CDC42BPA: variants seen among roughly 807,000 people sequenced by gnomAD.
The protein encoded by CDC42BPA is serine/threonine-protein kinase MRCK alpha.
CDC42BPA carries 80 observed loss-of-function variants against 223.5 expected under a neutral mutation model. The observed-to-expected ratio is 0.36, with a 90% CI of 0.30 to 0.43. The LOEUF is 0.43. Ranked by LOEUF, CDC42BPA falls within the 20% of genes least tolerant of loss-of-function variation. CDC42BPA has a pLI of 1.00. For synonymous variants in CDC42BPA, 694 were observed against 718.6 expected (o/e 0.97, Z 0.55); for missense variants, 1,743 against 2,099.9 (o/e 0.83, Z 3.32).
chr1:227,005,085 T>C lies in CDC42BPA; in HGVS notation c.4884A>G (p.Thr1628=), dbSNP rs757635120. Residue 1628 remains threonine, a synonymous_variant, in exon 35 of 37, where the codon ACA becomes ACG. Transcript: ENST00000366766. ...GAATACTGACTGAGCCACTGAATAC[T>C]GTCCGACTTTCCTGAGGCCGAGGGT... The part of the protein sequence containing the change: ...PMNPRPQESR[T]VFSGSVSIPS... 1.2e-6 allele frequency: 2 copies of C among 1,613,858 alleles called. No individual in the cohort carries two copies. Among genetic ancestry groups the C allele is most frequent in the Non-Finnish European group, 1.7e-6 (2 of 1,179,716 alleles).
At chr1:227,129,911 C>T (rs978742959) in intron 10 of CDC42BPA, among the ~76,000 whole-genome samples, 1 of 151,994 alleles carries the variant, frequency 6.6e-6, no homozygotes, top group East Asian at 1.9e-4. Flanking sequence ...TGTTAATATA[C>T]ATATGCAGAA....
At chr1:227,065,126 T>TAAATAAATAAATAAATA (rs1558414073) in intron 21 of CDC42BPA, among the ~76,000 whole-genome samples, 10 of 117,246 alleles carry the variant, frequency 8.5e-5, no homozygotes, top group African/African-American at 3.6e-4. Context: ...ATAAATAAAT[T>TAAATAAATAAATAAATA]AACTCAAACC....
At chr1:227,262,283 T>C (rs1264919603) in intron 1 of CDC42BPA, among the ~76,000 whole-genome samples, 1 of 152,124 alleles carries the variant, frequency 6.6e-6, no homozygotes, top group Non-Finnish European at 1.5e-5. Context: ...TGAAATGTAA[T>C]GATATATTAA....
intron 23 of CDC42BPA, among the ~76,000 whole-genome samples, chr1:227,043,775 CCT>C (rs1397389061): frequency 6.6e-6 from 1 of 152,074 alleles, no homozygotes; most frequent in Non-Finnish European, 1.5e-5. Flanking sequence ...GAATCTTTCC[CCT>C]ATTTCCAACT....
At chr1:227,189,718 C>G (rs1669403534) in intron 5 of CDC42BPA, among the ~76,000 whole-genome samples, 1 of 152,084 alleles carries the variant, frequency 6.6e-6, no homozygotes, top group Non-Finnish European at 1.5e-5. Flanking sequence ...CAAATTTTTT[C>G]ATATGCGAGT....
At chr1:227,137,041 G>C (rs10799387) in intron 10 of CDC42BPA, among the ~76,000 whole-genome samples, 150,603 of 152,256 alleles carry the variant, frequency 0.99, 74,504 homozygotes, top group East Asian at 1. Flanking sequence ...AAGCAACAAT[G>C]GAGTAAAAGT....
intron 5 of CDC42BPA, among the ~76,000 whole-genome samples, chr1:227,166,767 G>A (rs1178080373): frequency 6.6e-6 from 1 of 152,150 alleles, no homozygotes; most frequent in Non-Finnish European, 1.5e-5. Flanking sequence ...AGGGGCGGGA[G>A]TGGGGGTGCC....
At chr1:227,287,493 AC>A (rs1398496877) in intron 1 of CDC42BPA, among the ~76,000 whole-genome samples, 1 of 152,182 alleles carries the variant, frequency 6.6e-6, no homozygotes, top group African/African-American at 2.4e-5. Context: ...AATACCTCTT[AC>A]CCTGATAATT....
At chr1:227,133,438 C>T (rs61836474) in intron 10 of CDC42BPA, among the ~76,000 whole-genome samples, 21,291 of 152,006 alleles carry the variant, frequency 0.14, 1,874 homozygotes, top group South Asian at 0.33. Flanking sequence ...CCCCTCTGCC[C>T]GGCCACGACC....
At position 227,017,009 on chromosome 1, in the gene CDC42BPA, G is replaced by T. The variant is rs776653752; in HGVS notation, c.4657C>A (p.Arg1553=). 6.2e-7 allele frequency: 1 copy of T among 1,613,070 alleles called. No individual in the cohort carries two copies. Among genetic ancestry groups the T allele is most frequent in the South Asian group, 1.1e-5 (1 of 90,898 alleles). ...LVVPETSDNS[R]KQMVRNINNK... ...TTAATGTTTCTAACCATTTGTTTCC[G>T]ACTATTATCTGATGTTTCAGGTACT... is the stretch of plus-strand genomic sequence containing the variant. The change falls in exon 33 of 37, where the codon CGG becomes AGG. Residue 1553 remains arginine, a synonymous_variant. Transcript: ENST00000366766.
In CDC42BPA at chr1:227,145,576, C is replaced by A; in HGVS notation, c.1056G>T (p.Arg352=). ...CTGGAATATAAGGTGCTTCACAGTT[C>A]CGAATATTATCCCAATCAATTCCAC... ...FFSGIDWDNI[R]NCEAPYIPEV... Residue 352 remains arginine, a synonymous_variant, in exon 8 of 37, where the codon CGG becomes CGT. Coordinates refer to ENST00000366766, the MANE Select transcript of CDC42BPA (RefSeq NM_001394014.1). 1 of 1,613,608 alleles carries A rather than the reference C, an allele frequency of 6.2e-7. No homozygotes were observed. Among genetic ancestry groups the A allele is most frequent in the Non-Finnish European group, 8.5e-7 (1 of 1,179,692 alleles).
chr1:227,149,492 CAACA>C (rs1428125923), intron 6 of CDC42BPA, among the ~76,000 whole-genome samples: 4 of 152,008 alleles, frequency 2.6e-5, no homozygotes, highest in African/African-American at 7.3e-5. Flanking sequence ...TCAGAAATCC[CAACA>C]AACAGAACAA....
At chr1:227,245,282 ATCTTTTTTTTT>A (rs1309295454) in intron 2 of CDC42BPA, among the ~76,000 whole-genome samples, 39 of 129,400 alleles carry the variant, frequency 3.0e-4, no homozygotes, top group Non-Finnish European at 3.1e-4. Context: ...TTTGTCTTGC[ATCTTTTTTTTT>A]TTTTTTTTTT....
At chr1:227,012,235 T>C (rs1469902867) in intron 34 of CDC42BPA, among the ~76,000 whole-genome samples, 1 of 152,174 alleles carries the variant, frequency 6.6e-6, no homozygotes, top group Non-Finnish European at 1.5e-5. Flanking sequence ...AAAATAAGTC[T>C]TCTAGAGGTA....
intron 26 of CDC42BPA, 31 bp downstream of exon 26, chr1:227,034,624 G>T: frequency 6.4e-7 from 1 of 1,558,894 alleles, no homozygotes. Context: ...ATGTTGCAAT[G>T]ATACAAATAA....
chr1:227,168,497 G>GTGTGTTTTTTTT (rs1302291274), intron 5 of CDC42BPA, among the ~76,000 whole-genome samples: 3 of 80,212 alleles, frequency 3.7e-5, no homozygotes, highest in South Asian at 4.5e-4. Context: ...CTTCCCTGGT[G>GTGTGTTTTTTTT]TTTTTTTTTT....
Position 227,119,788 on chromosome 1 carries a change from T to C in CDC42BPA, c.1647+16A>G. On this transcript the variant is annotated intron_variant, in intron 12 of 36. Transcript: ENST00000366766. ...AAATAGAGAAAAAGCTTTAATGATC[T>C]AGTCACATATTTTACCTTATTTAGA... 3 of 1,508,074 alleles carry C rather than the reference T, an allele frequency of 2.0e-6. No homozygotes were observed. The highest frequency in any genetic ancestry group is 2.3e-5 in the East Asian group (1 of 43,682). 93.4% of individuals were successfully genotyped at this position (1,508,074 alleles called of 1,614,324 possible). A position where few individuals can be genotyped will look rare whatever the true frequency, so the allele number is the denominator to read the frequency against.
chr1:227,139,432 CTG>C (rs142669672), intron 10 of CDC42BPA, 142 bp downstream of exon 10: 7,562 of 500,688 alleles, frequency 0.015, 102 homozygotes, highest in Middle Eastern at 0.024. Context: ...TGGTATTATG[CTG>C]TGTTCTGCAT....
chr1:227,107,871 G>T (rs4373720), intron 14 of CDC42BPA, among the ~76,000 whole-genome samples: 43,138 of 151,956 alleles, frequency 0.28, 6,335 homozygotes, highest in African/African-American at 0.35. Context: ...TCTACTCTGT[G>T]GGCATACAGT....
Sources: gnomAD v4.1 joint callset for allele counts (sites outside exome capture counted in the v4.1 genomes callset) on GRCh38, gnomAD v4.1.1 for gene constraint, MANE v1.5 for transcripts, NCBI Gene and HGNC (gene_info 2026-07-23, HGNC 2026-07-21) for gene names.